Variants in TMEM135 observed in about 807,000 individuals in gnomAD.
TMEM135 encodes peroxisomal membrane protein 52.
A neutral mutation model predicts 60.3 loss-of-function variants in TMEM135; 30 were observed. That is an observed-to-expected ratio of 0.50 (90% CI 0.37 to 0.68). The LOEUF (loss-of-function observed/expected upper bound fraction) is 0.68. Ranked by LOEUF, TMEM135 falls within the 30% of genes least tolerant of loss-of-function variation. The probability of loss-of-function intolerance (pLI) is 0.00; values close to 1 mark genes in which losing one functional copy is unlikely to be tolerated. For missense variants in TMEM135, 468 were observed against 548.8 expected (o/e 0.85, Z 1.47); for synonymous variants, 190 against 186.7 (o/e 1.02, Z -0.14).
At chr11:87,168,504 G>C (rs894841981) in intron 5 of TMEM135, among the ~76,000 whole-genome samples, 1 of 152,102 alleles carries the variant, frequency 6.6e-6, no homozygotes, top group Non-Finnish European at 1.5e-5. Flanking sequence ...GGTACGTTGT[G>C]TCTTTGTTCT....
chr11:87,145,509 T>C (rs1938389660), intron 4 of TMEM135, among the ~76,000 whole-genome samples: 1 of 152,180 alleles, frequency 6.6e-6, no homozygotes, highest in South Asian at 2.1e-4. Context: ...ACTTCTATAC[T>C]TTTTTCCATA....
chr11:87,212,289 C>T (rs756800643), intron 5 of TMEM135, among the ~76,000 whole-genome samples: 9 of 151,922 alleles, frequency 5.9e-5, no homozygotes, highest in Non-Finnish European at 8.8e-5. Flanking sequence ...ATACCTCTCG[C>T]CCCAATTGTG....
At chr11:87,157,166 G>A (rs1938722923) in intron 4 of TMEM135, among the ~76,000 whole-genome samples, 175 bp from the exon 5 acceptor site, 1 of 150,726 alleles carries the variant, frequency 6.6e-6, no homozygotes, top group Admixed American at 6.6e-5. Flanking sequence ...GGACTCAAGT[G>A]ATCCTCTTGC....
intron 6 of TMEM135, among the ~76,000 whole-genome samples, chr11:87,244,871 GT>G: frequency 6.7e-6 from 1 of 149,998 alleles, no homozygotes; most frequent in Non-Finnish European, 1.5e-5. Context: ...TCTGATTTTA[GT>G]TATTTCTTGC....
rs182289566 is a variant in TMEM135, at chr11:87,109,722, G to A, written c.396+18327G>A. Among the ~76,000 whole-genome samples the A allele has an allele frequency of 1.4e-4, 22 of 152,220 alleles. No individual in the cohort carries two copies. The East Asian group carries it at 4.2e-3, about 29-fold the overall frequency. On this transcript the variant is annotated intron_variant, in intron 4 of 14. Coordinates refer to ENST00000305494, the MANE Select transcript of TMEM135 (RefSeq NM_022918.4). ...TTAATAAACTTAAATTATGTTTGCA[G>A]CATCAAAAACCCTTCAATCATCCTG...
At chr11:87,273,052 G>T (rs1035828940) in intron 6 of TMEM135, among the ~76,000 whole-genome samples, 7 of 151,832 alleles carry the variant, frequency 4.6e-5, no homozygotes, top group African/African-American at 1.2e-4. Flanking sequence ...TCTTATTATT[G>T]TTTAAAAACC....
intron 4 of TMEM135, among the ~76,000 whole-genome samples, chr11:87,142,638 G>A (rs1938295355): frequency 6.6e-6 from 1 of 151,728 alleles, no homozygotes; most frequent in African/African-American, 2.4e-5. Context: ...GTCCATGTGC[G>A]AATTGCTTTG....
At chr11:87,151,787 T>C (rs982297438) in intron 4 of TMEM135, among the ~76,000 whole-genome samples, 22 of 152,150 alleles carry the variant, frequency 1.4e-4, no homozygotes, top group African/African-American at 5.3e-4. Context: ...TCCACTGCTT[T>C]TGGATCAATG....
intron 1 of TMEM135, among the ~76,000 whole-genome samples, chr11:87,049,616 C>A (rs1369319712): frequency 8.2e-6 from 1 of 121,886 alleles, no homozygotes; most frequent in Admixed American, 8.2e-5. Flanking sequence ...GAGAAGCTAA[C>A]TATCCTAAAT....
At chr11:87,071,663 C>A in intron 3 of TMEM135, 48 bp downstream of exon 3, 2 of 1,420,146 alleles carry the variant, frequency 1.4e-6, no homozygotes, top group East Asian at 2.4e-5. Flanking sequence ...CTGTCCCCTA[C>A]CCCAACTATA....
At chr11:87,076,808 G>A (rs1856882935) in intron 3 of TMEM135, among the ~76,000 whole-genome samples, 1 of 152,118 alleles carries the variant, frequency 6.6e-6, no homozygotes, top group Non-Finnish European at 1.5e-5. Context: ...TTTGGCCCAA[G>A]GTATGTCTAG....
At chr11:87,075,543 G>A (rs767969582) in intron 3 of TMEM135, among the ~76,000 whole-genome samples, 55 of 152,304 alleles carry the variant, frequency 3.6e-4, no homozygotes, top group Middle Eastern at 3.4e-3. Context: ...TCCTGCCTTG[G>A]CCACTGAAAC....
intron 1 of TMEM135, among the ~76,000 whole-genome samples, chr11:87,064,818 G>C (rs1484665097): frequency 6.6e-6 from 1 of 152,170 alleles, no homozygotes; most frequent in East Asian, 1.9e-4. Context: ...CTGGGAGGTG[G>C]AGATTGCAGT....
intron 1 of TMEM135, among the ~76,000 whole-genome samples, chr11:87,038,766 G>A (rs1590971078): frequency 6.6e-6 from 1 of 152,054 alleles, no homozygotes; most frequent in African/African-American, 2.4e-5. Context: ...TTGAGATTGT[G>A]TGTGGTGATT....
intron 14 of TMEM135, 109 bp from the exon 15 acceptor site, chr11:87,321,092 C>T (rs200502820): frequency 1.2e-5 from 12 of 991,442 alleles, no homozygotes; most frequent in East Asian, 2.6e-5. Context: ...TCCTTTGCCA[C>T]GTTAGCCTTT....
chr11:87,247,518 C>A (rs1312644197), intron 6 of TMEM135, among the ~76,000 whole-genome samples: 1 of 152,152 alleles, frequency 6.6e-6, no homozygotes, highest in Non-Finnish European at 1.5e-5. Context: ...CCAGTTCGAG[C>A]TTCCCAGCTG....
At chr11:87,265,189 TAGTG>T (rs1016944411) in intron 6 of TMEM135, among the ~76,000 whole-genome samples, 3 of 151,976 alleles carry the variant, frequency 2.0e-5, no homozygotes, top group Admixed American at 6.6e-5. Context: ...TATAAACTGA[TAGTG>T]AGAAATATAG....
intron 6 of TMEM135, among the ~76,000 whole-genome samples, chr11:87,279,324 C>T (rs1942020179): frequency 6.6e-6 from 1 of 152,048 alleles, no homozygotes; most frequent in African/African-American, 2.4e-5. Flanking sequence ...CACTGTTTCA[C>T]CTTAGAGTTT....
At chr11:87,309,711 A>G in intron 10 of TMEM135, 39 bp downstream of exon 10, 2 of 1,598,844 alleles carry the variant, frequency 1.3e-6, no homozygotes, top group Non-Finnish European at 1.7e-6. Context: ...TGGGAAATAA[A>G]TAACATTGCT....
Sources: allele counts gnomAD v4.1 joint callset (sites outside exome capture counted in the v4.1 genomes callset), GRCh38; gene constraint gnomAD v4.1.1; transcripts MANE v1.5; gene names NCBI Gene and HGNC (gene_info 2026-07-23, HGNC 2026-07-21).